The following ALDH7A1 variants were observed in gnomAD, a reference collection of about 807,000 sequenced individuals.
ALDH7A1 encodes alpha-aminoadipic semialdehyde dehydrogenase.
In ALDH7A1, 63 loss-of-function variants were observed where a neutral mutation model predicts 79.9. That is an observed-to-expected ratio of 0.79 (90% CI 0.64 to 0.97). ALDH7A1 has a LOEUF of 0.97. Ranked by LOEUF, ALDH7A1 falls within the 50% of genes least tolerant of loss-of-function variation. The pLI is 0.00. For missense variants in ALDH7A1, 627 were observed against 665.2 expected (o/e 0.94, Z 0.63); for synonymous variants, 240 against 231.2 (o/e 1.04, Z -0.34).
intron 7 of ALDH7A1, among the ~76,000 whole-genome samples, chr5:126,573,593 G>T (rs1207887176): frequency 6.6e-6 from 1 of 151,810 alleles, no homozygotes; most frequent in Non-Finnish European, 1.5e-5. Flanking sequence ...AGCCACTCGG[G>T]AGGCTGAAGC....
chr5:126,582,371 G>T (rs576539461), intron 5 of ALDH7A1, among the ~76,000 whole-genome samples: 1 of 152,288 alleles, frequency 6.6e-6, no homozygotes, highest in East Asian at 1.9e-4. Flanking sequence ...TGGGTTAGGG[G>T]AAGACAACCT....
At chr5:126,573,559 G>A (rs1438926698) in intron 7 of ALDH7A1, among the ~76,000 whole-genome samples, 2 of 151,900 alleles carry the variant, frequency 1.3e-5, no homozygotes, top group Non-Finnish European at 2.9e-5. Flanking sequence ...TTAGCCGGGC[G>A]TGGTGGCGCA....
chr5:126,553,001 C>G (rs936371144), intron 13 of ALDH7A1, among the ~76,000 whole-genome samples: 8 of 152,164 alleles, frequency 5.3e-5, no homozygotes, highest in Non-Finnish European at 8.8e-5. Flanking sequence ...CACAGCCTCC[C>G]AAAGTGCTGA....
intron 6 of ALDH7A1, among the ~76,000 whole-genome samples, chr5:126,575,960 A>G (rs1489068776): frequency 1.3e-5 from 2 of 152,204 alleles, no homozygotes; most frequent in African/African-American, 2.4e-5. Flanking sequence ...AATGCCCTGC[A>G]GGCTAAAGAA....
intron 13 of ALDH7A1, among the ~76,000 whole-genome samples, chr5:126,552,446 G>A (rs1376934075): frequency 6.6e-6 from 1 of 152,128 alleles, no homozygotes; most frequent in Non-Finnish European, 1.5e-5. Context: ...AGCCTGTAGT[G>A]CAATGGCTTG....
chr5:126,571,185 A>G, intron 7 of ALDH7A1: 1 of 309,146 alleles, frequency 3.2e-6, no homozygotes, highest in South Asian at 2.7e-5. Flanking sequence ...TTAGCCCTAA[A>G]AGAATCTTGA....
chr5:126,559,406 A>C, intron 10 of ALDH7A1, 72 bp from the exon 11 acceptor site: 3 of 1,139,974 alleles, frequency 2.6e-6, no homozygotes, highest in Non-Finnish European at 3.9e-6. Flanking sequence ...CTGGTATAAA[A>C]CAATGTTGTT....
rs183816831 is a variant in ALDH7A1 at position 126,560,143 on chromosome 5, G to A, written c.914-809C>T. 2.9e-3 allele frequency among the ~76,000 whole-genome samples: 446 copies of A among 152,200 alleles called. 1 individual carries two copies. Among genetic ancestry groups the A allele is most frequent in the Admixed American group, 0.01 (154 of 15,272 alleles). ...CGGCAGACACTAGTGCTCACTAAATGCGAACTATATTTTTTACTGAAGTCT... is the reference window on the plus strand; with the variant it reads ...CGGCAGACACTAGTGCTCACTAAATACGAACTATATTTTTTACTGAAGTCT... On this transcript the variant is annotated intron_variant, in intron 10 of 17. Transcript: ENST00000409134.
intron 5 of ALDH7A1, among the ~76,000 whole-genome samples, chr5:126,578,065 C>G (rs1462534189): frequency 6.7e-6 from 1 of 150,024 alleles, no homozygotes; most frequent in African/African-American, 2.4e-5. Context: ...CAGGTGGACT[C>G]CCGACTTGAG....
At chr5:126,549,773 A>T in intron 16 of ALDH7A1, 156 bp downstream of exon 16, 1 of 778,186 alleles carries the variant, frequency 1.3e-6, no homozygotes, top group Non-Finnish European at 2.2e-6. Context: ...GATAACTTTG[A>T]ATACAGAATG....
chr5:126,554,357 G>C lies in ALDH7A1; in HGVS notation c.1130C>G (p.Ala377Gly), dbSNP rs1011022534. ...CACTGCTCCAAGAAACATGCTCACT[G>C]CCTGCTTGGTGTGGAGTGGCCCATA... is the stretch of plus-strand genomic sequence containing the variant. ...VLYGPLHTKQ[A>G]VSMFLGAVEE... The change falls in exon 13 of 18, where the codon GCA (alanine) becomes GGA (glycine). Residue 377 changes from alanine (A) to glycine (G), a missense_variant. Transcript: ENST00000409134. 6.2e-7 allele frequency: 1 copy of C among 1,613,944 alleles called. No homozygotes were observed. Among genetic ancestry groups the C allele is most frequent in the African/African-American group, 1.3e-5 (1 of 74,906 alleles).
chr5:126,588,405 G>C (rs1751427535), intron 3 of ALDH7A1: 1 of 152,128 alleles, frequency 6.6e-6, no homozygotes. Flanking sequence ...CTTGAGTCTA[G>C]GAGGCAGAGG....
chr5:126,561,776 C>T (rs1750412503), intron 9 of ALDH7A1: 1 of 151,948 alleles, frequency 6.6e-6, no homozygotes, highest in African/African-American at 2.4e-5. Flanking sequence ...TGGCAATTGC[C>T]CCAAAAAATT....
chr5:126,580,874 C>T (rs1751149985), intron 5 of ALDH7A1, among the ~76,000 whole-genome samples: 1 of 151,384 alleles, frequency 6.6e-6, no homozygotes, highest in Non-Finnish European at 1.5e-5. Context: ...GTCCAGGCTG[C>T]AGTGCAATGG....
intron 11 of ALDH7A1, among the ~76,000 whole-genome samples, chr5:126,557,956 T>G (rs1750256622): frequency 6.6e-6 from 1 of 151,302 alleles, no homozygotes; most frequent in Non-Finnish European, 1.5e-5. Flanking sequence ...TCAGCTGAGG[T>G]CAGGAGTTCA....
intron 14 of ALDH7A1, 31 bp from the exon 15 acceptor site, chr5:126,550,324 T>C (rs191819812): frequency 1.2e-5 from 18 of 1,512,994 alleles, no homozygotes; most frequent in Admixed American, 6.7e-5. Context: ...AGCTGTAAGA[T>C]GTTATAGTGT....
At chr5:126,562,119 C>A (rs1750421878) in intron 9 of ALDH7A1, 1 of 152,146 alleles carries the variant, frequency 6.6e-6, no homozygotes, top group Non-Finnish European at 1.5e-5. Flanking sequence ...AAGGTGGCAG[C>A]AACCCAAATG....
intron 3 of ALDH7A1, chr5:126,588,462 G>C (rs745878614): frequency 6.6e-6 from 1 of 152,140 alleles, no homozygotes; most frequent in Non-Finnish European, 1.5e-5. Flanking sequence ...CTAGGCAAGA[G>C]CAAGACTCAG....
intron 13 of ALDH7A1, among the ~76,000 whole-genome samples, chr5:126,552,940 C>T (rs1750055197): frequency 6.6e-6 from 1 of 151,840 alleles, no homozygotes; most frequent in East Asian, 1.9e-4. Context: ...CAGGGTCTCA[C>T]TATGTTGTCC....
Sources: gnomAD v4.1 joint callset for allele counts (sites outside exome capture counted in the v4.1 genomes callset) on GRCh38, gnomAD v4.1.1 for gene constraint, MANE v1.5 for transcripts, NCBI Gene and HGNC (gene_info 2026-07-23, HGNC 2026-07-21) for gene names.